The following LYPLAL1 variants were observed in gnomAD, a reference collection of about 807,000 sequenced individuals.
The protein encoded by LYPLAL1 is lysophospholipase-like protein 1.
A neutral mutation model predicts 19.7 loss-of-function variants in LYPLAL1; 23 were observed. The ratio of observed to expected loss-of-function variants is 1.17; its 90% CI spans 0.84 to 1.65. LYPLAL1 has a LOEUF of 1.65. Ranked by LOEUF, LYPLAL1 falls within the 40% of genes most tolerant of loss-of-function variation. LYPLAL1 has a pLI of 0.00. For missense variants in LYPLAL1, 355 were observed against 279.4 expected (o/e 1.27, Z -1.93); for synonymous variants, 119 against 96.3 (o/e 1.24, Z -1.38).
chr1:219,370,251 A>G, the LYPLAL1 span, among the ~76,000 whole-genome samples: 3 of 151,896 alleles, frequency 2.0e-5, no homozygotes, highest in African/African-American at 7.3e-5. Flanking sequence ...CTCTCCATTT[A>G]TTTCACCCTG....
the LYPLAL1 span, among the ~76,000 whole-genome samples, chr1:219,390,421 G>A: frequency 6.6e-6 from 1 of 152,202 alleles, no homozygotes; most frequent in Non-Finnish European, 1.5e-5. Context: ...TACCAGAGAA[G>A]AGAAGGGACT....
At chr1:219,236,070 A>C in the LYPLAL1 span, among the ~76,000 whole-genome samples, 1 of 152,228 alleles carries the variant, frequency 6.6e-6, no homozygotes, top group Non-Finnish European at 1.5e-5. Context: ...AGCCAAACAA[A>C]CATATGGACA....
At chr1:219,279,013 A>G in the LYPLAL1 span, among the ~76,000 whole-genome samples, 1 of 152,188 alleles carries the variant, frequency 6.6e-6, no homozygotes, top group Non-Finnish European at 1.5e-5. Context: ...GGCCTCGGGC[A>G]TGAAAAAGAG....
chr1:219,299,796 C>A, the LYPLAL1 span, among the ~76,000 whole-genome samples: 2 of 152,112 alleles, frequency 1.3e-5, no homozygotes, highest in African/African-American at 4.8e-5. Flanking sequence ...CACTACCTAC[C>A]ACTTGCCCTA....
chr1:219,293,727 C>T, the LYPLAL1 span, among the ~76,000 whole-genome samples: 9 of 152,168 alleles, frequency 5.9e-5, no homozygotes, highest in Middle Eastern at 3.4e-3. Flanking sequence ...TAGACATGTG[C>T]GTATATTAAA....
chr1:219,256,232 G>T, the LYPLAL1 span, among the ~76,000 whole-genome samples: 1 of 151,804 alleles, frequency 6.6e-6, no homozygotes, highest in Non-Finnish European at 1.5e-5. Context: ...CTCTTAACAG[G>T]TAAAGGACTA....
downstream of LYPLAL1, among the ~76,000 whole-genome samples, chr1:219,213,781 A>G (rs148532602): frequency 2.5e-4 from 38 of 152,208 alleles, no homozygotes; most frequent in African/African-American, 7.7e-4. Context: ...TATTAATTTT[A>G]GGAGTTTTTC....
the LYPLAL1 span, among the ~76,000 whole-genome samples, chr1:219,366,360 G>A: frequency 6.6e-6 from 1 of 152,138 alleles, no homozygotes; most frequent in South Asian, 2.1e-4. Flanking sequence ...AAATAAGAAT[G>A]TTTGCCCATA....
chr1:219,429,644 G>A, the LYPLAL1 span, among the ~76,000 whole-genome samples: 2 of 151,990 alleles, frequency 1.3e-5, no homozygotes, highest in Non-Finnish European at 2.9e-5. Flanking sequence ...GTGGCAGAGT[G>A]AGACCCTGTC....
At chr1:219,321,775 A>G in the LYPLAL1 span, among the ~76,000 whole-genome samples, 4 of 152,158 alleles carry the variant, frequency 2.6e-5, no homozygotes, top group East Asian at 7.7e-4. Context: ...CCAGGAATAA[A>G]AGTTAAGATT....
chr1:219,210,696 T>C (rs754247957), intron 4 of LYPLAL1, 49 bp downstream of exon 4: 3 of 1,534,824 alleles, frequency 2.0e-6, no homozygotes, highest in Non-Finnish European at 2.6e-6. Flanking sequence ...AATATATACA[T>C]GTTAAAACTA....
chr1:219,183,845 T>A (rs1656500052), intron 2 of LYPLAL1, among the ~76,000 whole-genome samples: 1 of 151,930 alleles, frequency 6.6e-6, no homozygotes, highest in Non-Finnish European at 1.5e-5. Flanking sequence ...CACGTTTGGA[T>A]CATTTCCAGT....
chr1:219,174,084 G>A, intron 1 of LYPLAL1, 103 bp downstream of exon 1: 6 of 1,530,946 alleles, frequency 3.9e-6, no homozygotes, highest in Non-Finnish European at 5.3e-6. Context: ...GCCCAAATAG[G>A]GCCCAGTGGG....
chr1:219,395,267 G>A, the LYPLAL1 span, among the ~76,000 whole-genome samples: 1 of 152,080 alleles, frequency 6.6e-6, no homozygotes, highest in Admixed American at 6.5e-5. Flanking sequence ...TCTTTTTCTA[G>A]GCAACCTTGT....
At chr1:219,196,029 A>G (rs550553111) in intron 3 of LYPLAL1, among the ~76,000 whole-genome samples, 17 of 152,266 alleles carry the variant, frequency 1.1e-4, no homozygotes, top group African/African-American at 3.6e-4. Context: ...TTATGGCTGC[A>G]TAGTATTCTA....
At chr1:219,386,692 A>T in the LYPLAL1 span, among the ~76,000 whole-genome samples, 2 of 152,340 alleles carry the variant, frequency 1.3e-5, no homozygotes, top group East Asian at 1.9e-4. Flanking sequence ...TAGATGTCTC[A>T]TAAGAGCTTC....
At chr1:219,439,446 A>G in the LYPLAL1 span, among the ~76,000 whole-genome samples, 1 of 152,192 alleles carries the variant, frequency 6.6e-6, no homozygotes, top group African/African-American at 2.4e-5. Context: ...CAACCTCAGC[A>G]GCCTAGAATA....
At chr1:219,206,828 A>G (rs1658608047) in intron 3 of LYPLAL1, among the ~76,000 whole-genome samples, 1 of 151,280 alleles carries the variant, frequency 6.6e-6, no homozygotes, top group African/African-American at 2.4e-5. Flanking sequence ...CATATGTAAA[A>G]TTTTCTTGAT....
At chr1:219,336,075 A>G in the LYPLAL1 span, among the ~76,000 whole-genome samples, 1 of 151,114 alleles carries the variant, frequency 6.6e-6, no homozygotes, top group Admixed American at 6.6e-5. Flanking sequence ...TTTTGACAAC[A>G]TTGCTCACAA....
Sources: allele counts gnomAD v4.1 joint callset (sites outside exome capture counted in the v4.1 genomes callset), GRCh38; gene constraint gnomAD v4.1.1; transcripts MANE v1.5; gene names NCBI Gene and HGNC (gene_info 2026-07-23, HGNC 2026-07-21).